Variants in DCAKD observed in about 807,000 individuals in gnomAD.
DCAKD encodes dephospho-CoA kinase domain containing, also known as dephospho-CoA kinase domain-containing protein.
In DCAKD, 15 loss-of-function variants were observed where a neutral mutation model predicts 18.7. That is an observed-to-expected ratio of 0.80 (90% confidence interval 0.54 to 1.24). The LOEUF (loss-of-function observed/expected upper bound fraction) is 1.24. Among genes scored for constraint, DCAKD ranks in the 50% most tolerant of loss-of-function variants. DCAKD has a pLI of 0.00. For synonymous variants in DCAKD, 130 were observed against 133.0 expected (o/e 0.98, Z 0.16); for missense variants, 301 against 322.0 (o/e 0.93, Z 0.50).
chr17:45,053,059 A>G (rs1226153283), upstream of DCAKD, among the ~76,000 whole-genome samples: 2 of 144,910 alleles, frequency 1.4e-5, no homozygotes, highest in Non-Finnish European at 3.0e-5. Context: ...GCTACACGGG[A>G]GGCTGAGGCA....
chr17:45,047,492 C>T (rs1423607451), intron 1 of DCAKD, among the ~76,000 whole-genome samples: 1 of 150,160 alleles, frequency 6.7e-6, no homozygotes, highest in Non-Finnish European at 1.5e-5. Context: ...GCTGGGTTGC[C>T]CTGGCTAGTC....
At chr17:45,058,105 A>G (rs145841669) in intron 1 of DCAKD, among the ~76,000 whole-genome samples, 2,293 of 150,210 alleles carry the variant, frequency 0.015, 56 homozygotes, top group South Asian at 0.07. Flanking sequence ...ACCTGAGGTC[A>G]GGAGTTTAAG....
Position 45,030,127 on chromosome 17 carries a change from C to G in DCAKD, c.369G>C (p.Leu123Phe). The G allele has an allele frequency of 1.9e-6, 3 of 1,614,158 alleles. No individual in the cohort carries two copies. The highest frequency in any genetic ancestry group is 2.5e-6 in the Non-Finnish European group (3 of 1,180,018). ...DIPLLFETKK[L>F]LKYMKHTVVV... ...CCACGGTGTGCTTCATGTACTTGAG[C>G]AACTTCTTGGTCTCAAACAGCAGGG... is the stretch of plus-strand genomic sequence containing the variant. Residue 123 changes from leucine to phenylalanine, a missense_variant, in exon 4 of 5, where the codon TTG (leucine) becomes TTC (phenylalanine). Transcript: ENST00000651974.
chr17:45,054,082 C>T (rs1383219280), upstream of DCAKD: 1 of 518,916 alleles, frequency 1.9e-6, no homozygotes, highest in Admixed American at 1.9e-5. Flanking sequence ...CTTCAACAGT[C>T]AAGGAGACCT....
intron 1 of DCAKD, among the ~76,000 whole-genome samples, chr17:45,058,937 G>A (rs2053818086): frequency 6.6e-6 from 1 of 152,014 alleles, no homozygotes; most frequent in African/African-American, 2.4e-5. Context: ...TTATGCCATT[G>A]ATATAAAAAC....
chr17:45,054,913 C>G (rs903528233), upstream of DCAKD, among the ~76,000 whole-genome samples: 7 of 152,142 alleles, frequency 4.6e-5, no homozygotes, highest in Non-Finnish European at 7.4e-5. Context: ...TACTGCCTTA[C>G]AGTATTATAA....
chr17:45,056,339 A>G (rs2053779001), upstream of DCAKD, among the ~76,000 whole-genome samples: 2 of 152,240 alleles, frequency 1.3e-5, no homozygotes, highest in South Asian at 2.1e-4. Context: ...AGGGCTCTCT[A>G]TGTAAGTCTT....
At chr17:45,029,696 C>T (rs1461815702) in intron 4 of DCAKD, among the ~76,000 whole-genome samples, 1 of 152,114 alleles carries the variant, frequency 6.6e-6, no homozygotes, top group Non-Finnish European at 1.5e-5. Context: ...TTAATTTTAT[C>T]TTCAGTAATA....
At chr17:45,053,192 A>AC (rs1412158117), upstream of DCAKD, among the ~76,000 whole-genome samples, 2 of 141,788 alleles carry the variant, frequency 1.4e-5, no homozygotes, top group Non-Finnish European at 3.1e-5. Flanking sequence ...AAAAAAAAAA[A>AC]AAAACTAGTT....
intron 4 of DCAKD, among the ~76,000 whole-genome samples, chr17:45,029,711 T>C (rs2053135633): frequency 6.6e-6 from 1 of 152,110 alleles, no homozygotes; most frequent in South Asian, 2.1e-4. Context: ...GTAATAGGAA[T>C]ATCAACACCT....
upstream of DCAKD, among the ~76,000 whole-genome samples, chr17:45,055,906 G>A (rs978907275): frequency 1.3e-5 from 2 of 152,218 alleles, no homozygotes; most frequent in Non-Finnish European, 2.9e-5. Flanking sequence ...TGTACTCCCA[G>A]CACTTTGGGA....
In DCAKD at chr17:45,034,769, C is replaced by G. The variant is rs534829662; in HGVS notation, c.112+5G>C. The stretch of plus-strand genomic sequence containing the variant: ...ACGGCCCCCCAACCTGCCCCTCCAA[C>G]TCACCGTGCCGGGCCATCACGTCCA... On this transcript the variant is annotated splice_donor_5th_base_variant and intron_variant, in intron 2 of 4. Coordinates refer to ENST00000651974, the MANE Select transcript of DCAKD (RefSeq NM_001288655.2). 3 of 1,613,866 alleles carry G rather than the reference C, an allele frequency of 1.9e-6. No homozygotes were observed. In the South Asian group the frequency reaches 3.3e-5, roughly 18 times the overall value.
At chr17:45,042,597 C>T (rs908969387) in intron 1 of DCAKD, among the ~76,000 whole-genome samples, 19 of 152,208 alleles carry the variant, frequency 1.2e-4, no homozygotes, top group African/African-American at 3.9e-4. Flanking sequence ...TTCATGAAAA[C>T]GAGTCATTTC....
intron 4 of DCAKD, among the ~76,000 whole-genome samples, chr17:45,024,986 A>AG (rs751149636): frequency 1.4e-5 from 2 of 143,334 alleles, no homozygotes; most frequent in Non-Finnish European, 3.0e-5. Flanking sequence ...AATACAAACA[A>AG]GGGGGGAACT....
chr17:45,060,531 G>C (rs1346747407), intron 1 of DCAKD, among the ~76,000 whole-genome samples: 4 of 151,948 alleles, frequency 2.6e-5, no homozygotes, highest in Admixed American at 1.3e-4. Flanking sequence ...AAGAAAGAAA[G>C]AAAGAAAAGA....
chr17:45,056,841 C>T (rs1157910486), intron 1 of DCAKD, among the ~76,000 whole-genome samples: 3 of 150,340 alleles, frequency 2.0e-5, no homozygotes, highest in Non-Finnish European at 4.4e-5. Flanking sequence ...GATCTCCGCT[C>T]ACTGCAAGCT....
At chr17:45,037,691 C>G (rs1262419064) in intron 1 of DCAKD, among the ~76,000 whole-genome samples, 1 of 149,610 alleles carries the variant, frequency 6.7e-6, no homozygotes, top group African/African-American at 2.5e-5. Context: ...AACTCCTGAC[C>G]TCAGGTGATC....
intron 1 of DCAKD, among the ~76,000 whole-genome samples, chr17:45,047,930 C>T (rs752139921): frequency 6.6e-6 from 1 of 152,146 alleles, no homozygotes; most frequent in Non-Finnish European, 1.5e-5. Context: ...TCAAATAAAA[C>T]TTTGTTAACA....
intron 4 of DCAKD, among the ~76,000 whole-genome samples, chr17:45,025,744 CTT>C (rs66731834): frequency 0.2 from 20,232 of 103,388 alleles, 1,746 homozygotes; most frequent in African/African-American, 0.29. Flanking sequence ...TTGGTTCCTT[CTT>C]TTTTTTTTTT....
Sources: allele counts gnomAD v4.1 joint callset (sites outside exome capture counted in the v4.1 genomes callset), GRCh38; gene constraint gnomAD v4.1.1; transcripts MANE v1.5; gene names NCBI Gene and HGNC (gene_info 2026-07-23, HGNC 2026-07-21).